TRPC3: variants seen among roughly 807,000 people sequenced by gnomAD.
TRPC3 encodes the protein transient receptor potential cation channel subfamily C member 3, also known as short transient receptor potential channel 3.
A neutral mutation model predicts 90.9 loss-of-function variants in TRPC3; 54 were observed. That is an observed-to-expected ratio of 0.59 (90% CI 0.48 to 0.75). TRPC3 has a LOEUF of 0.75. Among genes scored for constraint, TRPC3 ranks in the 30% least tolerant of loss-of-function variants. TRPC3 has a pLI of 0.00. For missense variants in TRPC3, 918 were observed against 1,194.5 expected (o/e 0.77, Z 3.41); for synonymous variants, 424 against 450.9 (o/e 0.94, Z 0.75).
rs1730765298 is a variant in TRPC3 at position 121,951,642 on chromosome 4, C to T, written c.39G>A (p.Arg13=). The T allele has an allele frequency of 7.1e-6, 10 of 1,415,770 alleles. No individual in the cohort carries two copies. The Admixed American group carries it at 1.7e-4, about 24-fold the overall frequency. 87.7% of individuals were successfully genotyped at this position (1,415,770 alleles called of 1,614,324 possible). A position where few individuals can be genotyped will look rare whatever the true frequency, so the allele number is the denominator to read the frequency against. The change falls in exon 1 of 12, where the codon AGG becomes AGA. Residue 13 remains arginine (R), a synonymous_variant. Transcript: ENST00000379645. This position sits in a 1 kb window ranked among gnomAD's most constrained non-coding sequence, Gnocchi z 4.4. The stretch of plus-strand genomic sequence containing the variant: ...CCTCCTCCGGCGCCGGGAAGGTCAC[C>T]CTTGCTTGTTCTTTGCACTTCCTGA... The part of the protein sequence containing the change: ...TKVRKCKEQA[R]VTFPAPEEEE...
intron 8 of TRPC3, among the ~76,000 whole-genome samples, chr4:121,903,859 T>C (rs1728789152): frequency 6.6e-6 from 1 of 152,090 alleles, no homozygotes; most frequent in Admixed American, 6.6e-5. Context: ...AGAAAACATA[T>C]ATACAACAGT....
chr4:121,926,754 GA>G (rs1729731397), intron 2 of TRPC3, among the ~76,000 whole-genome samples: 1 of 152,146 alleles, frequency 6.6e-6, no homozygotes, highest in African/African-American at 2.4e-5. Context: ...GGTTGACAGT[GA>G]AAAATAACTT....
chr4:121,933,784 C>T (rs1162622729), intron 1 of TRPC3, among the ~76,000 whole-genome samples: 2 of 152,076 alleles, frequency 1.3e-5, no homozygotes, highest in Non-Finnish European at 2.9e-5. Flanking sequence ...CACCCTCCAC[C>T]TTATGCGTTT....
intron 1 of TRPC3, among the ~76,000 whole-genome samples, chr4:121,950,063 T>C (rs1440121745): frequency 1.3e-5 from 2 of 152,254 alleles, no homozygotes; most frequent in Non-Finnish European, 2.9e-5. Flanking sequence ...GGAAGTGAGC[T>C]GGTGGCGCTT....
chr4:121,946,170 A>G (rs1415423342), intron 1 of TRPC3, among the ~76,000 whole-genome samples: 1 of 152,180 alleles, frequency 6.6e-6, no homozygotes, highest in African/African-American at 2.4e-5. Context: ...ACTTCCCAGA[A>G]CTAAAGGACA....
chr4:121,907,617 C>A, intron 6 of TRPC3, 50 bp from the exon 7 acceptor site: 1 of 1,554,034 alleles, frequency 6.4e-7, no homozygotes, highest in Non-Finnish European at 8.7e-7. Flanking sequence ...TATTCATTGC[C>A]AACTACGCAA....
intron 1 of TRPC3, among the ~76,000 whole-genome samples, chr4:121,948,135 T>A (rs1419593477): frequency 6.6e-6 from 1 of 151,002 alleles, no homozygotes; most frequent in African/African-American, 2.4e-5. Flanking sequence ...CTGCTTAACA[T>A]CTCTATCAGA....
chr4:121,939,757 A>T (rs1407241072), intron 1 of TRPC3, among the ~76,000 whole-genome samples: 1 of 152,206 alleles, frequency 6.6e-6, no homozygotes, highest in Non-Finnish European at 1.5e-5. Context: ...GAAACCAAGT[A>T]CTTGAGGGAG....
intron 10 of TRPC3, among the ~76,000 whole-genome samples, chr4:121,893,608 G>A (rs1334280988): frequency 6.6e-6 from 1 of 151,892 alleles, no homozygotes; most frequent in Non-Finnish European, 1.5e-5. Flanking sequence ...TTCCAAGTAG[G>A]ACACAAAACC....
At chr4:121,883,243 A>T (rs1008941034) in intron 10 of TRPC3, among the ~76,000 whole-genome samples, 3 of 152,084 alleles carry the variant, frequency 2.0e-5, no homozygotes, top group African/African-American at 7.2e-5. Flanking sequence ...CTGTATTTTT[A>T]AAAAAACAAG....
At chr4:121,922,762 T>TA (rs1484039036) in intron 3 of TRPC3, among the ~76,000 whole-genome samples, 1 of 152,190 alleles carries the variant, frequency 6.6e-6, no homozygotes, top group African/African-American at 2.4e-5. Context: ...GACAATTTTC[T>TA]AAAAAACAGT....
chr4:121,951,124 G>A lies in TRPC3; in HGVS notation c.215+342C>T, dbSNP rs980790591. 3.9e-5 allele frequency among the ~76,000 whole-genome samples: 6 copies of A among 152,212 alleles called. No homozygotes were observed. The highest frequency in any genetic ancestry group is 2.0e-4 in the Admixed American group (3 of 15,290). ...CAAGGGGTGCCCAGCCCTGGCAGCA[G>A]TCGTGCGAGCTCCTCGGCTCTAATA... is the stretch of plus-strand genomic sequence containing the variant. On this transcript the variant is annotated intron_variant, in intron 1 of 11. Coordinates refer to ENST00000379645, the MANE Select transcript of TRPC3 (RefSeq NM_001130698.2). The surrounding 1 kb of genome is among the most constrained non-coding windows in gnomAD (Gnocchi z 4.4).
intron 11 of TRPC3, among the ~76,000 whole-genome samples, chr4:121,880,643 T>A (rs919916803): frequency 2.0e-5 from 3 of 152,056 alleles, no homozygotes; most frequent in Admixed American, 2.0e-4. Flanking sequence ...CAGTATTTGG[T>A]TAAAAAAGAA....
chr4:121,924,697 T>A (rs956708680), intron 3 of TRPC3, among the ~76,000 whole-genome samples: 7 of 152,084 alleles, frequency 4.6e-5, no homozygotes, highest in African/African-American at 1.7e-4. Flanking sequence ...CGTGCCACCA[T>A]GCCTGGCTAA....
intron 9 of TRPC3, 125 bp downstream of exon 9, chr4:121,902,727 G>T: frequency 1.4e-6 from 1 of 704,284 alleles, no homozygotes. Context: ...GAAAGACTGT[G>T]GACTAGACAG....
At chr4:121,893,623 G>A (rs1284915766) in intron 10 of TRPC3, among the ~76,000 whole-genome samples, 2 of 152,122 alleles carry the variant, frequency 1.3e-5, no homozygotes, top group Middle Eastern at 3.4e-3. Flanking sequence ...AAAACCTGAC[G>A]CCATAAACAA....
At chr4:121,915,128 T>C (rs1331437671) in intron 3 of TRPC3, among the ~76,000 whole-genome samples, 184 bp from the exon 4 acceptor site, 1 of 152,232 alleles carries the variant, frequency 6.6e-6, no homozygotes, top group Non-Finnish European at 1.5e-5. Context: ...CAAAATTGTT[T>C]CAGAACTAAT....
chr4:121,932,279 C>T lies in TRPC3; in HGVS notation c.979G>A (p.Glu327Lys). The T allele has an allele frequency of 6.2e-7, 1 of 1,613,726 alleles. No homozygotes were observed. The highest frequency in any genetic ancestry group is 8.5e-7 in the Non-Finnish European group (1 of 1,179,720). ...TAGAGCGCAAAGCTTACCTTGAACT[C>T]CTTCTCTATGTTGGCCAGCTTGGCC... ...ELAKLANIEKEFKNDYRKLSM... is the reference protein window; with the variant it reads ...ELAKLANIEKKFKNDYRKLSM... The change falls in exon 2 of 12, where the codon GAG becomes AAG. Residue 327 changes from glutamate to lysine, a missense_variant. By Grantham distance (56) the Glu-to-Lys change is moderately conservative (BLOSUM62 1). Around this residue, in one of 4 missense-constraint regions of TRPC3, gnomAD observed 609 missense variants for 725.9 expected, o/e 0.84. Coordinates refer to ENST00000379645, the MANE Select transcript of TRPC3 (RefSeq NM_001130698.2). This position sits in a 1 kb window ranked among gnomAD's most constrained non-coding sequence, Gnocchi z 7.7.
rs1462536696 is a variant in TRPC3 at position 121,875,522 on chromosome 4, T to C, written c.*4214A>G. ...AAATTACCACTGTGTGTCCTCTTTT[T>C]AAAGATGTTTTAGGGTATCAGAGAC... On this transcript the variant is annotated 3_prime_UTR_variant, in exon 12 of 12. Coordinates refer to ENST00000379645, the MANE Select transcript of TRPC3 (RefSeq NM_001130698.2). 3.3e-5 allele frequency among the ~76,000 whole-genome samples: 5 copies of C among 152,328 alleles called. No homozygotes were observed. The highest frequency in any genetic ancestry group is 2.0e-4 in the Admixed American group (3 of 15,308).
Sources: allele counts gnomAD v4.1 joint callset (sites outside exome capture counted in the v4.1 genomes callset), GRCh38; gene constraint gnomAD v4.1.1; regional missense constraint gnomAD v4.1.1; non-coding constraint Gnocchi (gnomAD v3.1); transcripts MANE v1.5; gene names NCBI Gene and HGNC (gene_info 2026-07-23, HGNC 2026-07-21).